TIAM1: variants seen among roughly 807,000 people sequenced by gnomAD.
TIAM1 encodes TIAM Rac1 associated GEF 1.
A neutral mutation model predicts 163.5 loss-of-function variants in TIAM1; 65 were observed. The ratio of observed to expected loss-of-function variants is 0.40; its 90% CI spans 0.33 to 0.49. TIAM1 has a LOEUF of 0.49. TIAM1 is among the 20% of genes least tolerant of loss of function. TIAM1 has a pLI of 0.77. For missense variants in TIAM1, 1,789 were observed against 2,044.7 expected, an observed-to-expected ratio of 0.87 and a Z score of 2.41; for synonymous variants, 833 against 810.1, an observed-to-expected ratio of 1.03 and a Z score of -0.48.
chr21:31,458,141 C>T (rs1315070691), intron 2 of TIAM1, among the ~76,000 whole-genome samples: 1 of 152,168 alleles, frequency 6.6e-6, no homozygotes, highest in African/African-American at 2.4e-5. Flanking sequence ...AACAATCGGC[C>T]GGGTGCGGGG....
chr21:31,150,954 T>C (rs2083343050), intron 19 of TIAM1, among the ~76,000 whole-genome samples: 1 of 152,190 alleles, frequency 6.6e-6, no homozygotes. Flanking sequence ...AAGGTGGATA[T>C]ACTGAGGGCA....
intron 2 of TIAM1, among the ~76,000 whole-genome samples, chr21:31,301,258 T>C (rs1162273446): frequency 6.6e-6 from 1 of 152,202 alleles, no homozygotes; most frequent in Non-Finnish European, 1.5e-5. Flanking sequence ...GGCCTGTTTC[T>C]AGAAGGCCTA....
intron 2 of TIAM1, among the ~76,000 whole-genome samples, chr21:31,331,172 A>C (rs2075667439): frequency 6.6e-6 from 1 of 152,254 alleles, no homozygotes; most frequent in Non-Finnish European, 1.5e-5. Flanking sequence ...TAGTCAACGA[A>C]GATGATGACA....
At chr21:31,324,447 A>G (rs1291825755) in intron 2 of TIAM1, among the ~76,000 whole-genome samples, 2 of 152,222 alleles carry the variant, frequency 1.3e-5, no homozygotes, top group Non-Finnish European at 2.9e-5. Flanking sequence ...CTTGTAGAGG[A>G]CCTACTGTAA....
chr21:31,259,049 T>C (rs17561777), intron 4 of TIAM1, among the ~76,000 whole-genome samples: 2,159 of 152,070 alleles, frequency 0.014, 17 homozygotes, highest in Non-Finnish European at 0.017. Context: ...AAAAAAACAA[T>C]GATTACACAT....
chr21:31,362,527 T>G (rs1048678019), intron 2 of TIAM1, among the ~76,000 whole-genome samples: 1 of 151,608 alleles, frequency 6.6e-6, no homozygotes, highest in African/African-American at 2.4e-5. Flanking sequence ...AGGGCAGTGG[T>G]GCAATCTTGG....
At chr21:31,499,424 G>A (rs2046774101) in intron 1 of TIAM1, among the ~76,000 whole-genome samples, 1 of 151,974 alleles carries the variant, frequency 6.6e-6, no homozygotes, top group South Asian at 2.1e-4. Flanking sequence ...AGCCAGGCAT[G>A]GCAGTACACG....
chr21:31,362,983 T>G (rs2147139188), intron 2 of TIAM1, among the ~76,000 whole-genome samples: 1 of 152,198 alleles, frequency 6.6e-6, no homozygotes, highest in South Asian at 2.1e-4. Flanking sequence ...TTTTCCTCTG[T>G]ACTGCACCTC....
chr21:31,365,618 C>T (rs2147144192), intron 2 of TIAM1, among the ~76,000 whole-genome samples: 1 of 151,800 alleles, frequency 6.6e-6, no homozygotes, highest in South Asian at 2.1e-4. Context: ...GTCTCGATCT[C>T]CTGACCTCGT....
At chr21:31,190,953 C>T (rs912632257) in intron 13 of TIAM1, among the ~76,000 whole-genome samples, 2 of 152,182 alleles carry the variant, frequency 1.3e-5, no homozygotes, top group Non-Finnish European at 2.9e-5. Flanking sequence ...CCAGAAGCCA[C>T]TTAGCTAGGT....
intron 9 of TIAM1, among the ~76,000 whole-genome samples, chr21:31,215,573 A>G (rs2087145565): frequency 6.7e-6 from 1 of 150,330 alleles, no homozygotes; most frequent in Admixed American, 6.6e-5. Flanking sequence ...AAAAAGAAAA[A>G]AAAAAAAAAA....
chr21:31,482,060 A>AGTGTGTGTGTGTGTGTGTGTGTGTGT (rs10523425), intron 1 of TIAM1, among the ~76,000 whole-genome samples: 47 of 145,714 alleles, frequency 3.2e-4, no homozygotes, highest in African/African-American at 1.1e-3. Context: ...ACTGGGACAA[A>AGTGTGTGTGTGTGTGTGTGTGTGTGT]GTGTGTGTGT....
intron 6 of TIAM1, among the ~76,000 whole-genome samples, chr21:31,243,207 A>ATATATATAT (rs1257885611): frequency 2.0e-4 from 24 of 117,322 alleles, no homozygotes; most frequent in African/African-American, 7.3e-4. Context: ...AAAAAAAAAA[A>ATATATATAT]AAATATATAT....
intron 15 of TIAM1, among the ~76,000 whole-genome samples, chr21:31,167,088 C>CTTTTTT (rs72031739): frequency 8.0e-6 from 1 of 125,104 alleles, no homozygotes; most frequent in Admixed American, 8.3e-5. Flanking sequence ...AAAGGATTTC[C>CTTTTTT]TTTTTTTTTT....
intron 1 of TIAM1, among the ~76,000 whole-genome samples, chr21:31,502,878 G>A: frequency 6.6e-6 from 1 of 152,184 alleles, no homozygotes; most frequent in East Asian, 1.9e-4. Context: ...AAGCCAATCA[G>A]TCAAGCAAGG....
chr21:31,280,959 T>TA (rs1344287485), intron 2 of TIAM1, among the ~76,000 whole-genome samples: 3 of 149,644 alleles, frequency 2.0e-5, no homozygotes, highest in East Asian at 2.0e-4. Flanking sequence ...CTACAAAAAA[T>TA]AAAAAAAATT....
At chr21:31,357,887 T>C (rs940838401) in intron 2 of TIAM1, among the ~76,000 whole-genome samples, 2 of 152,232 alleles carry the variant, frequency 1.3e-5, no homozygotes, top group African/African-American at 2.4e-5. Flanking sequence ...CAAGACACCA[T>C]AAATTCTTCT....
At chr21:31,534,142 G>A (rs999203357) in intron 1 of TIAM1, among the ~76,000 whole-genome samples, 1 of 152,174 alleles carries the variant, frequency 6.6e-6, no homozygotes, top group Admixed American at 6.6e-5. Flanking sequence ...AAGAGAAAGC[G>A]AGTACCTCCA....
chr21:31,494,557 A>G (rs1387504143), intron 1 of TIAM1, among the ~76,000 whole-genome samples: 1 of 152,170 alleles, frequency 6.6e-6, no homozygotes, highest in Non-Finnish European at 1.5e-5. Context: ...AAGACTGCTA[A>G]AAATCAGCCA....
Sources: allele counts gnomAD v4.1 joint callset (sites outside exome capture counted in the v4.1 genomes callset), GRCh38; gene constraint gnomAD v4.1.1; transcripts MANE v1.5; gene names NCBI Gene and HGNC (gene_info 2026-07-23, HGNC 2026-07-21).